The following TRPC4 variants were observed in gnomAD, a reference collection of about 807,000 sequenced individuals.
TRPC4 encodes short transient receptor potential channel 4.
TRPC4 carries 49 observed loss-of-function variants against 99.4 expected under a neutral mutation model. That is an observed-to-expected ratio of 0.49 (90% confidence interval 0.39 to 0.63). The LOEUF (loss-of-function observed/expected upper bound fraction) is 0.63, where lower values mean the gene tolerates loss of function less well. TRPC4 is among the 20% of genes least tolerant of loss of function. The pLI, the probability that TRPC4 is intolerant of heterozygous loss-of-function variation, is 0.00. For missense variants in TRPC4, 898 were observed against 1,152.9 expected, an observed-to-expected ratio of 0.78 and a Z score of 3.20; for synonymous variants, 454 against 425.9, an observed-to-expected ratio of 1.07 and a Z score of -0.81.
chr13:37,802,473 C>T (rs1957429434), intron 1 of TRPC4, among the ~76,000 whole-genome samples: 3 of 152,112 alleles, frequency 2.0e-5, no homozygotes, highest in Admixed American at 2.0e-4. Flanking sequence ...GAATGTCCCT[C>T]AACTTAGGTC....
At position 37,759,484 on chromosome 13, in the gene TRPC4, G is replaced by A. The variant is rs568388955; in HGVS notation, c.379-13029C>T. Reference sequence around the variant, plus strand: ...ATAAGCTACTAAACTACAATAAAATGCATTTGCAACATATGAGACATACTT... The same window carrying A: ...ATAAGCTACTAAACTACAATAAAATACATTTGCAACATATGAGACATACTT... On this transcript the variant is annotated intron_variant, in intron 2 of 10. Transcript: ENST00000379705. Among the ~76,000 whole-genome samples, 7 of 151,756 alleles carry A rather than the reference G, an allele frequency of 4.6e-5. No individual in the cohort carries two copies. In the East Asian group the frequency reaches 1.4e-3, roughly 30 times the overall value.
chr13:37,646,037 C>T (rs749942696), intron 8 of TRPC4, among the ~76,000 whole-genome samples: 2 of 152,246 alleles, frequency 1.3e-5, no homozygotes, highest in African/African-American at 2.4e-5. Flanking sequence ...GGGAGCGATA[C>T]ATTTTGACAA....
chr13:37,805,159 G>A (rs1249973762), intron 1 of TRPC4, among the ~76,000 whole-genome samples: 1 of 151,870 alleles, frequency 6.6e-6, no homozygotes, highest in Admixed American at 6.6e-5. Flanking sequence ...TGCTGAAAAT[G>A]TTTTATACTA....
chr13:37,723,165 A>G (rs574033083), intron 3 of TRPC4, among the ~76,000 whole-genome samples: 1 of 152,284 alleles, frequency 6.6e-6, no homozygotes, highest in African/African-American at 2.4e-5. Context: ...GTCCTTAGGG[A>G]GGCCCTTTAT....
intron 1 of TRPC4, among the ~76,000 whole-genome samples, chr13:37,860,471 TC>T (rs1353880494): frequency 1.3e-5 from 2 of 151,392 alleles, no homozygotes; most frequent in African/African-American, 2.4e-5. Context: ...ACCTGAAATC[TC>T]CTTTCTTAAA....
intron 1 of TRPC4, among the ~76,000 whole-genome samples, chr13:37,809,024 G>T (rs892217383): frequency 6.6e-6 from 1 of 152,032 alleles, no homozygotes; most frequent in African/African-American, 2.4e-5. Flanking sequence ...TATATAATTT[G>T]TTTCTGTTAC....
Position 37,635,680 on chromosome 13 carries a change from A to T in TRPC4, c.*1223T>A, listed in dbSNP as rs915571097. On this transcript the variant is annotated 3_prime_UTR_variant, in exon 11 of 11. Transcript: ENST00000379705. The stretch of plus-strand genomic sequence containing the variant: ...CTTAAATAGACACAAGCAATGTAAA[A>T]TTTAAGCTTTAAGTTTCTAGTATCA... Among the ~76,000 whole-genome samples the T allele has an allele frequency of 6.6e-6, 1 of 152,146 alleles. No homozygotes were observed. Among genetic ancestry groups the T allele is most frequent in the African/African-American group, 2.4e-5 (1 of 41,444 alleles).
intron 2 of TRPC4, among the ~76,000 whole-genome samples, chr13:37,779,200 A>T (rs1251809675): frequency 2.0e-5 from 3 of 152,108 alleles, no homozygotes; most frequent in Non-Finnish European, 4.4e-5. Context: ...AAGCTCTGCT[A>T]AAAATAATGA....
At position 37,746,453 on chromosome 13, in the gene TRPC4, C is replaced by G; in HGVS notation, c.381G>C (p.Val127=). Residue 127 remains valine, a splice_region_variant and synonymous_variant, in exon 3 of 11, where the codon GTG becomes GTC. Transcript: ENST00000379705. The stretch of plus-strand genomic sequence containing the variant: ...ACTGCTTATCAAGGAGTATAGGAGG[C>G]ACCTAAAAAAAAAAAAGGCAGAGGT... ...NHKKPSGEKQ[V]PPILLDKQFS... is the part of the protein sequence containing the mutation. The G allele has an allele frequency of 7.0e-7, 1 of 1,426,470 alleles. No individual in the cohort carries two copies. Among genetic ancestry groups the G allele is most frequent in the South Asian group, 1.3e-5 (1 of 79,426 alleles). The allele number at this position is 1,426,470 out of a possible 1,614,324, so 88.4% of individuals were successfully genotyped here.
chr13:37,850,399 T>A (rs943665685), intron 1 of TRPC4, among the ~76,000 whole-genome samples: 8 of 152,228 alleles, frequency 5.3e-5, no homozygotes, highest in Non-Finnish European at 1.2e-4. Flanking sequence ...CAATTTGTTA[T>A]TTTATACAAA....
In TRPC4 at chr13:37,663,411, C is replaced by T. The variant is rs758594483; in HGVS notation, c.1688+5G>A. On this transcript the variant is annotated splice_donor_5th_base_variant and intron_variant, in intron 6 of 10. Transcript: ENST00000379705. ...ATTACCAGTAGAAATGTCTATTAGA[C>T]TTACGTTGAAAATGCATTATTCTGC... 1 of 1,608,026 alleles carries T rather than the reference C, an allele frequency of 6.2e-7. No homozygotes were observed. Among genetic ancestry groups the T allele is most frequent in the Non-Finnish European group, 8.5e-7 (1 of 1,176,740 alleles).
At chr13:37,704,671 C>T (rs972194712) in intron 3 of TRPC4, among the ~76,000 whole-genome samples, 3 of 151,820 alleles carry the variant, frequency 2.0e-5, no homozygotes, top group Non-Finnish European at 2.9e-5. Flanking sequence ...ATAAATAAAA[C>T]AAGTCTGTTC....
At chr13:37,720,331 T>C (rs1304243230) in intron 3 of TRPC4, among the ~76,000 whole-genome samples, 1 of 152,188 alleles carries the variant, frequency 6.6e-6, no homozygotes, top group Admixed American at 6.6e-5. Flanking sequence ...TGAAAAGGTA[T>C]AGCTATCTAG....
chr13:37,632,938 G>C lies in TRPC4; in HGVS notation c.*3965C>G, dbSNP rs763138622. Among the ~76,000 whole-genome samples, 12 of 152,114 alleles carry C rather than the reference G, an allele frequency of 7.9e-5. No individual in the cohort carries two copies. The highest frequency in any genetic ancestry group is 1.6e-4 in the Non-Finnish European group (11 of 68,018). On this transcript the variant is annotated 3_prime_UTR_variant, in exon 11 of 11. Transcript: ENST00000379705. ...AATGTTCCCCAAATAAAAAGTCAGT[G>C]GTCAAGGCATTTATAATGTGATGCC...
intron 2 of TRPC4, among the ~76,000 whole-genome samples, 175 bp from the exon 3 acceptor site, chr13:37,746,630 A>G (rs1335918908): frequency 5.3e-5 from 8 of 149,722 alleles, no homozygotes; most frequent in East Asian, 2.0e-4. Context: ...ACAAAATTGG[A>G]AAAAAAAACT....
intron 1 of TRPC4, among the ~76,000 whole-genome samples, chr13:37,827,136 A>G (rs944761627): frequency 2.0e-5 from 3 of 151,490 alleles, no homozygotes; most frequent in East Asian, 1.9e-4. Context: ...CCTCCTTTAA[A>G]CACTTCTCTG....
intron 1 of TRPC4, among the ~76,000 whole-genome samples, chr13:37,827,987 T>C (rs1958296320): frequency 6.6e-6 from 1 of 152,226 alleles, no homozygotes; most frequent in Admixed American, 6.5e-5. Flanking sequence ...GGCCGTTTTT[T>C]AAGCCCGTCG....
intron 3 of TRPC4, among the ~76,000 whole-genome samples, chr13:37,735,854 T>C (rs143164745): frequency 1.3e-5 from 2 of 152,312 alleles, no homozygotes; most frequent in East Asian, 1.9e-4. Context: ...CAGTATCAAA[T>C]ACAAGTTTTT....
intron 4 of TRPC4, among the ~76,000 whole-genome samples, chr13:37,681,156 G>A (rs1019533755): frequency 2.6e-5 from 4 of 152,096 alleles, no homozygotes; most frequent in Admixed American, 2.0e-4. Context: ...CTCTGTTCTC[G>A]TCCGATGGGT....
Sources: allele counts gnomAD v4.1 joint callset (sites outside exome capture counted in the v4.1 genomes callset), GRCh38; gene constraint gnomAD v4.1.1; transcripts MANE v1.5; gene names NCBI Gene and HGNC (gene_info 2026-07-23, HGNC 2026-07-21).